Variants in BCORL1 observed in about 807,000 individuals in gnomAD.
BCORL1 encodes the protein BCL-6 corepressor-like protein 1.
Under a neutral mutation model 87.6 loss-of-function variants are expected in BCORL1, and 7 were observed. That is an observed-to-expected ratio of 0.08 (90% CI 0.05 to 0.15). BCORL1 has a LOEUF of 0.15. BCORL1 is among the 10% of genes least tolerant of loss of function. BCORL1 has a pLI of 1.00. For synonymous variants in BCORL1, 591 were observed against 634.4 expected, an observed-to-expected ratio of 0.93 and a Z score of 1.03; for missense variants, 1,215 against 1,499.7, an observed-to-expected ratio of 0.81 and a Z score of 3.13.
At chrX:130,050,683 C>G in intron 11 of BCORL1, 34 bp from the exon 12 acceptor site, 1 of 1,178,950 alleles carries the variant, frequency 8.5e-7, no homozygotes. Context: ...CCAGCCTAAC[C>G]TCCTTGTCTC....
Position 130,028,675 on chromosome X carries a change from T to G in BCORL1, c.4119T>G (p.Ser1373Arg). The change falls in exon 8 of 14, where the codon AGT becomes AGG. Residue 1373 changes from serine (S) to arginine (R), a missense_variant. Ser to Arg is a moderately radical substitution (Grantham distance 110, BLOSUM62 -1). This residue lies in a region of BCORL1 where 166 missense variants were observed against 196.5 expected (regional missense o/e 0.84). Transcript: ENST00000540052. ...ARKQKTSSSQ[S>R]LEHRLRNRNL... ...AGCAGAAGACTTCCTCCTCCCAAAG[T>G]TTGGAGCACCGCCTCAGGAACAGGA... 8.3e-7 allele frequency: 1 copy of G among 1,210,559 alleles called. No homozygotes were observed. The highest frequency in any genetic ancestry group is 1.1e-6 in the Non-Finnish European group (1 of 895,166).
intron 8 of BCORL1, among the ~76,000 whole-genome samples, chrX:130,029,300 G>A (rs1184927079): frequency 9.0e-6 from 1 of 111,025 alleles, no homozygotes; most frequent in Non-Finnish European, 1.9e-5. Flanking sequence ...ATTCCACTGG[G>A]GCCCAGGTTC....
intron 1 of BCORL1, among the ~76,000 whole-genome samples, chrX:129,994,985 T>C (rs1569357599): frequency 9.0e-6 from 1 of 110,695 alleles, no homozygotes; most frequent in Non-Finnish European, 1.9e-5. Flanking sequence ...AAGTAAAGTG[T>C]TTGGGGGCAT....
chrX:130,012,655 G>A lies in BCORL1; in HGVS notation c.164G>A (p.Ser55Asn), dbSNP rs1179687241. 1.7e-6 allele frequency: 2 copies of A among 1,208,957 alleles called. No individual in the cohort carries two copies. The highest frequency in any genetic ancestry group is 1.7e-5 in the African/African-American group (1 of 57,295). ...GGATCTCAGGAGTTTTGTGTCAGCA[G>A]CAGTTTTTCCAAGGTAAGAGGCTTT... ...HFGSQEFCVSSSFSKVELTAV... is the reference protein window; with the variant it reads ...HFGSQEFCVSNSFSKVELTAV... The change falls in exon 3 of 14, where the codon AGC (serine) becomes AAC (asparagine). Residue 55 changes from serine (S) to asparagine (N), a missense_variant. This residue lies in a region of BCORL1 where 861 missense variants were observed against 1,010.0 expected (regional missense o/e 0.85). Coordinates refer to ENST00000540052, the MANE Select transcript of BCORL1 (RefSeq NM_001379451.1).
At chrX:129,993,284 GAGTAA>G (rs1927322557) in intron 1 of BCORL1, among the ~76,000 whole-genome samples, 1 of 112,387 alleles carries the variant, frequency 8.9e-6, no homozygotes, top group Non-Finnish European at 1.9e-5. Flanking sequence ...TTGTTAAATG[GAGTAA>G]AGTAATTTTC....
chrX:130,056,285 T>C lies in BCORL1; in HGVS notation c.*149T>C. 1 of 604,684 alleles carries C rather than the reference T, an allele frequency of 1.7e-6. No homozygotes were observed. Among genetic ancestry groups the C allele is most frequent in the Non-Finnish European group, 2.4e-6 (1 of 415,193 alleles). The allele number at this position is 604,684 out of a possible 1,213,427, so 49.8% of individuals were successfully genotyped here. On this transcript the variant is annotated 3_prime_UTR_variant, in exon 14 of 14. Coordinates refer to ENST00000540052, the MANE Select transcript of BCORL1 (RefSeq NM_001379451.1). ...CCTTATCAATGCCAGCATTAGCGAC[T>C]GGACTGTTTTTGTTTTTTTGGTTAC...
chrX:130,010,116 C>T (rs1455317189), intron 2 of BCORL1, among the ~76,000 whole-genome samples: 4 of 111,932 alleles, frequency 3.6e-5, no homozygotes, highest in Non-Finnish European at 3.8e-5. Flanking sequence ...CTGCCTTCGA[C>T]GGCAGGGATT....
rs1354797211 is a variant in BCORL1, at chrX:130,014,093, A to T, written c.1321A>T (p.Thr441Ser). ...QKVPLSFQPG[T>S]VLTPSQPLVY... Reference sequence around the variant, plus strand: ...AGTCCCCCTGTCCTTTCAGCCAGGGACAGTGCTGACCCCGAGCCAGCCGCT... The same window carrying T: ...AGTCCCCCTGTCCTTTCAGCCAGGGTCAGTGCTGACCCCGAGCCAGCCGCT... Residue 441 changes from threonine (T) to serine (S), a missense_variant, in exon 4 of 14, where the codon ACA (threonine) becomes TCA (serine). By Grantham distance (58) the Thr-to-Ser change is moderately conservative. Coordinates refer to ENST00000540052, the MANE Select transcript of BCORL1 (RefSeq NM_001379451.1). 4 of 1,209,684 alleles carry T rather than the reference A, an allele frequency of 3.3e-6. No individual in the cohort carries two copies. Among genetic ancestry groups the T allele is most frequent in the Middle Eastern group, 4.6e-4 (2 of 4,349 alleles).
intron 8 of BCORL1, among the ~76,000 whole-genome samples, chrX:130,029,639 A>AT (rs377306965): frequency 3.8e-4 from 38 of 100,383 alleles, no homozygotes; most frequent in East Asian, 3.8e-3. Context: ...CGTGATTCTT[A>AT]TTTTTTTTTT....
chrX:130,037,060 C>T (rs990193522), intron 9 of BCORL1, among the ~76,000 whole-genome samples: 4 of 111,135 alleles, frequency 3.6e-5, no homozygotes, highest in East Asian at 2.8e-4. Context: ...GCAGGAGAAT[C>T]GCTTGAACCT....
chrX:130,044,194 G>A (rs1338594152), intron 11 of BCORL1, among the ~76,000 whole-genome samples: 6 of 109,926 alleles, frequency 5.5e-5, no homozygotes, highest in African/African-American at 1.7e-4. Context: ...GTGAGCCACC[G>A]CGCCCAGCCT....
rs762261947 is a variant in BCORL1 at position 130,012,065 on chromosome X, C to T, written c.87-513C>T. Among the ~76,000 whole-genome samples the T allele has an allele frequency of 4.5e-5, 5 of 112,080 alleles. No homozygotes were observed. In the East Asian group the frequency reaches 1.1e-3, roughly 25 times the overall value. Reference sequence around the variant, plus strand: ...AATAGGTGACGATTCAGATTTAGACCTGAAAACACAACAGGGGTTTATTTG... The same window carrying T: ...AATAGGTGACGATTCAGATTTAGACTTGAAAACACAACAGGGGTTTATTTG... On this transcript the variant is annotated intron_variant, in intron 2 of 13. Coordinates refer to ENST00000540052, the MANE Select transcript of BCORL1 (RefSeq NM_001379451.1).
In BCORL1 at chrX:130,033,989, G is replaced by GA. The variant is rs1286059679; in HGVS notation, c.4306-456dup. ...AAAGTGAGACTCGGTCTCAAAAAAA[G>GA]AAAAAAAAAAGATAGCTGTCTCATT... On this transcript the variant is annotated intron_variant, in intron 8 of 13. Transcript: ENST00000540052. Among the ~76,000 whole-genome samples, 78 of 104,971 alleles carry GA rather than the reference G, an allele frequency of 7.4e-4. No individual in the cohort carries two copies. In the Middle Eastern group the frequency reaches 0.019, roughly 26 times the overall value. 91.2% of individuals were successfully genotyped at this position (104,971 alleles called of 115,157 possible).
In BCORL1 at chrX:130,056,410, G is replaced by A. The variant is rs6637683; in HGVS notation, c.*274G>A. 1.3e-4 allele frequency: 36 copies of A among 272,992 alleles called. No individual in the cohort carries two copies. The highest frequency in any genetic ancestry group is 9.5e-4 in the African/African-American group (34 of 35,873). The allele number at this position is 272,992 out of a possible 1,213,427, so 22.5% of individuals were successfully genotyped here. On this transcript the variant is annotated 3_prime_UTR_variant, in exon 14 of 14. Transcript: ENST00000540052. ...CTGAGGACAAGAGGTCCCGGGGGTG[G>A]TGGGAGGTGGCGCCGGGGTCCCTTG... is the stretch of plus-strand genomic sequence containing the variant.
intron 5 of BCORL1, 56 bp from the exon 6 acceptor site, chrX:130,022,841 T>TTA (rs1265293937): frequency 2.4e-5 from 26 of 1,086,597 alleles, no homozygotes; most frequent in Non-Finnish European, 3.3e-5. Flanking sequence ...TTTCTGGTCT[T>TTA]TAAGCTTTGA....
At chrX:130,033,124 C>A (rs1465548077) in intron 8 of BCORL1, among the ~76,000 whole-genome samples, 15 of 106,519 alleles carry the variant, frequency 1.4e-4, no homozygotes, top group Non-Finnish European at 1.5e-4. Flanking sequence ...CTCCATCACC[C>A]AGGCTGGAGC....
chrX:129,987,039 A>G (rs928877576), intron 1 of BCORL1, among the ~76,000 whole-genome samples: 2 of 111,049 alleles, frequency 1.8e-5, no homozygotes, highest in African/African-American at 6.6e-5. Context: ...AATGAAAGGA[A>G]AAGAAAGGTG....
intron 1 of BCORL1, among the ~76,000 whole-genome samples, chrX:129,998,182 C>T (rs1227229862): frequency 9.0e-6 from 1 of 110,640 alleles, no homozygotes; most frequent in Non-Finnish European, 1.9e-5. Flanking sequence ...GGCCATGCAG[C>T]TGTTCATTTC....
Position 130,037,368 on chromosome X carries a change from A to G in BCORL1, c.4529A>G (p.Asp1510Gly). The change falls in exon 10 of 14, where the codon GAT becomes GGT. Residue 1510 changes from aspartate to glycine, a missense_variant and splice_region_variant. Physicochemically the swap from Asp to Gly is moderately conservative, Grantham distance 94 (BLOSUM62 -1). Around this residue, in one of 5 missense-constraint regions of BCORL1, gnomAD observed 55 missense variants for 115.1 expected, o/e 0.48. Coordinates refer to ENST00000540052, the MANE Select transcript of BCORL1 (RefSeq NM_001379451.1). ...LQRAARLGYKDVVLYCLQKDS... is the reference protein window; with the variant it reads ...LQRAARLGYKGVVLYCLQKDS... ...ATGGAGTTGTCCCTGTCCCCACAGG[A>G]TGTTGTTCTCTACTGCCTCCAGAAA... The G allele has an allele frequency of 8.3e-7, 1 of 1,210,714 alleles. No homozygotes were observed. The highest frequency in any genetic ancestry group is 1.1e-6 in the Non-Finnish European group (1 of 894,658).
Sources: allele counts gnomAD v4.1 joint callset (sites outside exome capture counted in the v4.1 genomes callset), GRCh38; gene constraint gnomAD v4.1.1; regional missense constraint gnomAD v4.1.1; transcripts MANE v1.5; gene names NCBI Gene and HGNC (gene_info 2026-07-23, HGNC 2026-07-21).